CDH10: variants seen among roughly 807,000 people sequenced by gnomAD.
CDH10 encodes the protein cadherin-10.
Under a neutral mutation model 73.1 loss-of-function variants are expected in CDH10, and 30 were observed. The ratio of observed to expected loss-of-function variants is 0.41; its 90% CI spans 0.31 to 0.56. The LOEUF is 0.56. CDH10 is among the 20% of genes least tolerant of loss of function. The probability of loss-of-function intolerance (pLI) is 0.27; values close to 1 mark genes in which losing one functional copy is unlikely to be tolerated. For missense variants in CDH10, 815 were observed against 973.7 expected, an observed-to-expected ratio of 0.84 and a Z score of 2.17; for synonymous variants, 345 against 348.2, an observed-to-expected ratio of 0.99 and a Z score of 0.10.
Position 24,633,935 on chromosome 5 carries a change from C to T in CDH10, c.-124+10659G>A, listed in dbSNP as rs530245378. Reference sequence around the variant, plus strand: ...ATGACCACAAGGTGGCTCTCAACACCGAAATATGTTATTTTCCCTCTGGAC... The same window carrying T: ...ATGACCACAAGGTGGCTCTCAACACTGAAATATGTTATTTTCCCTCTGGAC... On this transcript the variant is annotated intron_variant, in intron 1 of 11. Transcript: ENST00000264463. 4.8e-3 allele frequency among the ~76,000 whole-genome samples: 724 copies of T among 151,706 alleles called. 5 individuals are homozygous for T. Among genetic ancestry groups the T allele is most frequent in the Non-Finnish European group, 6.4e-3 (431 of 67,766 alleles).
At chr5:24,611,659 A>G (rs1460277126) in intron 1 of CDH10, among the ~76,000 whole-genome samples, 1 of 152,104 alleles carries the variant, frequency 6.6e-6, no homozygotes, top group Non-Finnish European at 1.5e-5. Flanking sequence ...TCCTCCTGGT[A>G]TGCAAACCCT....
intron 2 of CDH10, among the ~76,000 whole-genome samples, chr5:24,588,987 G>T (rs927347076): frequency 3.3e-5 from 5 of 152,106 alleles, no homozygotes; most frequent in African/African-American, 1.2e-4. Context: ...AATATTTGTT[G>T]ACTATTGTTT....
chr5:24,564,074 C>G (rs1048625808), intron 2 of CDH10, among the ~76,000 whole-genome samples: 1 of 152,130 alleles, frequency 6.6e-6, no homozygotes, highest in Non-Finnish European at 1.5e-5. Context: ...ATCTATATCT[C>G]AAAAGATCTC....
At chr5:24,516,109 C>T (rs1743099931) in intron 5 of CDH10, among the ~76,000 whole-genome samples, 2 of 152,114 alleles carry the variant, frequency 1.3e-5, no homozygotes, top group African/African-American at 4.8e-5. Flanking sequence ...GAATACTTGT[C>T]AAGTTACTGT....
intron 8 of CDH10, among the ~76,000 whole-genome samples, chr5:24,502,214 G>A (rs965314839): frequency 6.6e-6 from 1 of 152,086 alleles, no homozygotes; most frequent in Admixed American, 6.6e-5. Flanking sequence ...GAGCCACCGC[G>A]CCTGGCTCCC....
chr5:24,521,798 T>C (rs747831441), intron 5 of CDH10, among the ~76,000 whole-genome samples: 1 of 151,394 alleles, frequency 6.6e-6, no homozygotes, highest in Non-Finnish European at 1.5e-5. Flanking sequence ...AACAAGAAAA[T>C]AAGTGAGCTG....
At chr5:24,631,680 T>C (rs780607399) in intron 1 of CDH10, among the ~76,000 whole-genome samples, 2 of 152,110 alleles carry the variant, frequency 1.3e-5, no homozygotes, top group African/African-American at 2.4e-5. Context: ...CACTAAATAA[T>C]TGACAATGTA....
At chr5:24,535,845 A>T (rs1743930961) in intron 3 of CDH10, 23 bp from the exon 4 acceptor site, 1 of 1,574,750 alleles carries the variant, frequency 6.4e-7, no homozygotes, top group African/African-American at 1.4e-5. Flanking sequence ...AATTCAGCTT[A>T]GTTCTGCACA....
intron 1 of CDH10, among the ~76,000 whole-genome samples, chr5:24,607,536 C>T (rs934241160): frequency 2.0e-5 from 3 of 152,226 alleles, no homozygotes; most frequent in East Asian, 1.9e-4. Context: ...ATTTTTATGA[C>T]TTATACGCTA....
chr5:24,520,551 C>T (rs1267815060), intron 5 of CDH10, among the ~76,000 whole-genome samples: 1 of 152,152 alleles, frequency 6.6e-6, no homozygotes, highest in Admixed American at 6.5e-5. Context: ...GATACTATCA[C>T]ACGGTAATTA....
At chr5:24,608,930 C>A (rs1746854041) in intron 1 of CDH10, among the ~76,000 whole-genome samples, 2 of 152,156 alleles carry the variant, frequency 1.3e-5, no homozygotes, top group Admixed American at 6.5e-5. Context: ...AGCTGCACCC[C>A]AATTAACTTA....
At chr5:24,503,936 C>G (rs1742589850) in intron 8 of CDH10, among the ~76,000 whole-genome samples, 2 of 152,054 alleles carry the variant, frequency 1.3e-5, no homozygotes, top group Admixed American at 1.3e-4. Context: ...TAAATGGTAT[C>G]ATATGCAACC....
intron 2 of CDH10, among the ~76,000 whole-genome samples, chr5:24,540,469 A>G (rs1048841484): frequency 5.3e-5 from 8 of 151,918 alleles, no homozygotes; most frequent in African/African-American, 1.9e-4. Context: ...TACTACAGAG[A>G]GTGAAAATTA....
intron 1 of CDH10, among the ~76,000 whole-genome samples, chr5:24,635,664 G>A (rs1747844662): frequency 6.6e-6 from 1 of 151,816 alleles, no homozygotes; most frequent in African/African-American, 2.4e-5. Flanking sequence ...GCCTCTCTGA[G>A]AATGCAATTT....
intron 1 of CDH10, among the ~76,000 whole-genome samples, chr5:24,609,553 T>C (rs1746875381): frequency 6.6e-6 from 1 of 152,164 alleles, no homozygotes. Flanking sequence ...GAGAATATGT[T>C]AAGACAACCA....
intron 1 of CDH10, among the ~76,000 whole-genome samples, chr5:24,601,093 G>T (rs977403877): frequency 5.9e-5 from 9 of 151,966 alleles, no homozygotes; most frequent in African/African-American, 2.2e-4. Context: ...TCATCTAAAA[G>T]TTCAGTTTTT....
chr5:24,515,960 A>C (rs2319472), intron 5 of CDH10, among the ~76,000 whole-genome samples: 1 of 152,080 alleles, frequency 6.6e-6, no homozygotes, highest in African/African-American at 2.4e-5. Context: ...TTGCTCTTCC[A>C]CCATGACTAT....
intron 5 of CDH10, among the ~76,000 whole-genome samples, chr5:24,515,712 G>T (rs1743083706): frequency 6.6e-6 from 1 of 152,068 alleles, no homozygotes; most frequent in African/African-American, 2.4e-5. Context: ...TTTAATCTCT[G>T]TCTTTCATGG....
At chr5:24,496,871 C>T (rs904821917) in intron 9 of CDH10, among the ~76,000 whole-genome samples, 2 of 152,184 alleles carry the variant, frequency 1.3e-5, no homozygotes, top group South Asian at 2.1e-4. Context: ...TTAGTTTAAC[C>T]GAGGCATTTT....
Sources: gnomAD v4.1 joint callset for allele counts (sites outside exome capture counted in the v4.1 genomes callset) on GRCh38, gnomAD v4.1.1 for gene constraint, MANE v1.5 for transcripts, NCBI Gene and HGNC (gene_info 2026-07-23, HGNC 2026-07-21) for gene names.